The following NUP85 variants were observed in gnomAD, a reference collection of about 807,000 sequenced individuals.
The protein encoded by NUP85 is nucleoporin 85, also known as nuclear pore complex protein Nup85.
In NUP85, 23 loss-of-function variants were observed where a neutral mutation model predicts 92.8. The observed-to-expected ratio is 0.25, with a 90% CI of 0.18 to 0.35. The LOEUF (loss-of-function observed/expected upper bound fraction) is 0.35, where lower values mean the gene tolerates loss of function less well. NUP85 is among the 10% of genes least tolerant of loss of function. The probability of loss-of-function intolerance (pLI) is 1.00; values close to 1 mark genes in which losing one functional copy is unlikely to be tolerated. For missense variants in NUP85, 759 were observed against 822.8 expected (o/e 0.92, Z 0.95); for synonymous variants, 314 against 306.9 (o/e 1.02, Z -0.24).
At chr17:75,226,191 T>A (rs1198510838) in intron 11 of NUP85, 34 bp downstream of exon 11, 7 of 1,576,244 alleles carry the variant, frequency 4.4e-6, no homozygotes, top group Non-Finnish European at 6.1e-6. Context: ...TGTAACCATT[T>A]TTAGGTGTAC....
At chr17:75,232,799 T>C in intron 14 of NUP85, 52 bp from the exon 15 acceptor site, 2 of 1,518,550 alleles carry the variant, frequency 1.3e-6, no homozygotes, top group Non-Finnish European at 1.8e-6. Context: ...GGCTCAGGAA[T>C]GGAGTGATTT....
intron 7 of NUP85, among the ~76,000 whole-genome samples, chr17:75,221,288 G>A (rs1256769760): frequency 2.6e-5 from 4 of 151,878 alleles, no homozygotes; most frequent in Non-Finnish European, 4.4e-5. Flanking sequence ...ATAGGCTCTC[G>A]CCATCCTGCC....
At chr17:75,215,286 C>T (rs2075396119) in intron 5 of NUP85, among the ~76,000 whole-genome samples, 1 of 152,210 alleles carries the variant, frequency 6.6e-6, no homozygotes, top group African/African-American at 2.4e-5. Context: ...TTATGGCTCA[C>T]TCAGACTCAA....
At chr17:75,232,395 C>T (rs934585918) in intron 14 of NUP85, among the ~76,000 whole-genome samples, 6 of 152,262 alleles carry the variant, frequency 3.9e-5, no homozygotes, top group African/African-American at 9.6e-5. Context: ...CTTCATTTCT[C>T]CCCTCACTGT....
At chr17:75,212,083 C>CGCGT (rs781749720) in intron 4 of NUP85, 21 bp downstream of exon 4, 35,189 of 941,182 alleles carry the variant, frequency 0.037, 793 homozygotes, top group South Asian at 0.046. Flanking sequence ...TGTGCGCGTG[C>CGCGT]GCGCGTGTGT....
At chr17:75,228,316 T>G (rs1486763659) in intron 11 of NUP85, 1 of 985,318 alleles carries the variant, frequency 1.0e-6, no homozygotes, top group Non-Finnish European at 1.2e-6. Context: ...AGACAAGGAA[T>G]GATTAGGCTT....
At chr17:75,220,715 G>T (rs1017348394) in intron 7 of NUP85, among the ~76,000 whole-genome samples, 1 of 151,622 alleles carries the variant, frequency 6.6e-6, no homozygotes, top group Non-Finnish European at 1.5e-5. Flanking sequence ...CTACCAAGTA[G>T]CTGGGATTAT....
intron 16 of NUP85, among the ~76,000 whole-genome samples, chr17:75,233,982 C>T (rs2145432934): frequency 6.6e-6 from 1 of 151,772 alleles, no homozygotes; most frequent in South Asian, 2.1e-4. Flanking sequence ...GATCCGCCCG[C>T]CTCGGCCTCC....
rs2075854983 is a variant in NUP85, at chr17:75,227,403, T to C, written c.1094+1246T>C. 2.7e-5 allele frequency among the ~76,000 whole-genome samples: 4 copies of C among 149,200 alleles called. No individual in the cohort carries two copies. The Admixed American group carries it at 2.7e-4, about 10-fold the overall frequency. On this transcript the variant is annotated intron_variant, in intron 11 of 18. Coordinates refer to ENST00000245544, the MANE Select transcript of NUP85 (RefSeq NM_024844.5). Reference sequence around the variant, plus strand: ...CAGACTGGAGTGCAGTGGCGTGATCTTGGCTCACTGCAACCTCCACCTACT... The same window carrying C: ...CAGACTGGAGTGCAGTGGCGTGATCCTGGCTCACTGCAACCTCCACCTACT...
At chr17:75,219,076 AC>A (rs2075521292) in intron 7 of NUP85, among the ~76,000 whole-genome samples, 3 of 152,068 alleles carry the variant, frequency 2.0e-5, no homozygotes. Context: ...CTGCTGACTG[AC>A]CCAATTGGGA....
In NUP85 at chr17:75,234,063, T is replaced by C. The variant is rs905956563; in HGVS notation, c.1616-574T>C. Among the ~76,000 whole-genome samples the C allele has an allele frequency of 9.4e-4, 142 of 150,360 alleles. 2 individuals are homozygous for C. Among genetic ancestry groups the C allele is most frequent in the African/African-American group, 3.3e-3 (135 of 41,006 alleles). ...CCTCCATGTTTCTTCTTTTTTTTTT[T>C]TTTTTTGAGACGGAGTCTCACTCTG... On this transcript the variant is annotated intron_variant, in intron 16 of 18. Coordinates refer to ENST00000245544, the MANE Select transcript of NUP85 (RefSeq NM_024844.5).
At position 75,210,762 on chromosome 17, in the gene NUP85, C is replaced by T. The variant is rs532562666; in HGVS notation, c.290+777C>T. On this transcript the variant is annotated intron_variant, in intron 3 of 18. Transcript: ENST00000245544. Reference sequence around the variant, plus strand: ...TGTCACCCAGGCTGGAGTGCAGTGACGCGTTCTCCGCTCACTGTAAGCTCT... The same window carrying T: ...TGTCACCCAGGCTGGAGTGCAGTGATGCGTTCTCCGCTCACTGTAAGCTCT... 1.8e-3 allele frequency among the ~76,000 whole-genome samples: 270 copies of T among 152,152 alleles called. 2 individuals carry two copies. The South Asian group carries it at 0.022, about 13-fold the overall frequency.
intron 6 of NUP85, 109 bp downstream of exon 6, chr17:75,215,932 C>A: frequency 3.0e-6 from 3 of 988,626 alleles, no homozygotes; most frequent in Non-Finnish European, 4.7e-6. Context: ...TGAGAATGTT[C>A]TTTCCATCAT....
chr17:75,215,878 T>G (rs1425386016), intron 6 of NUP85, 55 bp downstream of exon 6: 9 of 1,358,136 alleles, frequency 6.6e-6, no homozygotes, highest in South Asian at 1.2e-5. Flanking sequence ...CATCTTCTGC[T>G]CTTTCCTCAT....
chr17:75,214,028 TAG>T (rs1179612027), intron 5 of NUP85, among the ~76,000 whole-genome samples: 1 of 151,534 alleles, frequency 6.6e-6, no homozygotes, highest in East Asian at 1.9e-4. Flanking sequence ...GTATTTTTAG[TAG>T]AGAGGGGGTT....
chr17:75,215,095 C>T (rs2075389377), intron 5 of NUP85, among the ~76,000 whole-genome samples: 3 of 152,136 alleles, frequency 2.0e-5, no homozygotes, highest in South Asian at 4.1e-4. Flanking sequence ...CACTTGAACC[C>T]GGGAGGCGGA....
intron 17 of NUP85, 60 bp from the exon 18 acceptor site, chr17:75,235,040 G>A: frequency 1.6e-5 from 23 of 1,396,742 alleles, no homozygotes; most frequent in Non-Finnish European, 2.3e-5. Flanking sequence ...ATGGGCCCCT[G>A]CCCCAACCAA....
Position 75,212,067 on chromosome 17 carries a change from G to A in NUP85, c.361+5G>A. ...AGGAAATGCACCAGGTTGCAAGTAA[G>A]GACTGTGTGCGCGTGCGCGCGTGTG... On this transcript the variant is annotated splice_donor_5th_base_variant and intron_variant, in intron 4 of 18. Coordinates refer to ENST00000245544, the MANE Select transcript of NUP85 (RefSeq NM_024844.5). 6.3e-7 allele frequency: 1 copy of A among 1,599,572 alleles called. No homozygotes were observed. The highest frequency in any genetic ancestry group is 2.3e-5 in the East Asian group (1 of 44,398).
intron 3 of NUP85, among the ~76,000 whole-genome samples, chr17:75,210,567 G>T (rs576899404): frequency 4.1e-4 from 62 of 152,278 alleles, no homozygotes; most frequent in African/African-American, 1.4e-3. Context: ...TTTTGTCAGC[G>T]TCCCTTCACA....
Sources: allele counts gnomAD v4.1 joint callset (sites outside exome capture counted in the v4.1 genomes callset), GRCh38; gene constraint gnomAD v4.1.1; transcripts MANE v1.5; gene names NCBI Gene and HGNC (gene_info 2026-07-23, HGNC 2026-07-21).